The following LRRC49 variants were observed in gnomAD, a reference collection of about 807,000 sequenced individuals.
The protein encoded by LRRC49 is leucine rich repeat containing 49.
LRRC49 carries 50 observed loss-of-function variants against 83.3 expected under a neutral mutation model. The observed-to-expected ratio is 0.60, with a 90% CI of 0.48 to 0.76. The LOEUF is 0.76. Ranked by LOEUF, LRRC49 falls within the 30% of genes least tolerant of loss-of-function variation. The probability of loss-of-function intolerance (pLI) is 0.00; values close to 1 mark genes in which losing one functional copy is unlikely to be tolerated. For missense variants in LRRC49, 704 were observed against 809.1 expected (o/e 0.87, Z 1.58); for synonymous variants, 286 against 283.3 (o/e 1.01, Z -0.10).
chr15:71,011,752 TCTC>T (rs1378046120), intron 13 of LRRC49, among the ~76,000 whole-genome samples: 2 of 152,096 alleles, frequency 1.3e-5, no homozygotes, highest in African/African-American at 2.4e-5. Flanking sequence ...GAATTTGAAG[TCTC>T]CTTAACTGTG....
rs539635944 is a variant in LRRC49 at position 70,878,344 on chromosome 15, A to G, written c.18+5121A>G. Among the ~76,000 whole-genome samples the G allele has an allele frequency of 2.6e-4, 40 of 152,308 alleles. No individual in the cohort carries two copies. In the South Asian group the frequency reaches 6.2e-3, roughly 24 times the overall value. The stretch of plus-strand genomic sequence containing the variant: ...ATAGATTTCTTAGGAGGTTCTACGT[A>G]CATAATCATATCATCTCTAAAAAAA... On this transcript the variant is annotated intron_variant, in intron 2 of 16. Coordinates refer to the LRRC49 transcript ENST00000544974.
rs539420135 is a variant in LRRC49, at chr15:70,941,859, C to T, written c.773+5037C>T. Among the ~76,000 whole-genome samples the T allele has an allele frequency of 7.2e-5, 11 of 152,112 alleles. No individual in the cohort carries two copies. In the East Asian group the frequency reaches 1.2e-3, roughly 16 times the overall value. On this transcript the variant is annotated intron_variant, in intron 8 of 15. Coordinates refer to ENST00000260382, the MANE Select transcript of LRRC49 (RefSeq NM_017691.5). ...AAATTAATCTTTGCAAAATTGTAATCGTTTTCTATTAAAAGATTGCCTTTC... is the reference window on the plus strand; with the variant it reads ...AAATTAATCTTTGCAAAATTGTAATTGTTTTCTATTAAAAGATTGCCTTTC...
At chr15:71,049,320 T>C in intron 15 of LRRC49, 89 bp from the exon 16 acceptor site, 2 of 831,302 alleles carry the variant, frequency 2.4e-6, no homozygotes, top group Non-Finnish European at 3.8e-6. Flanking sequence ...CAGAATAAAT[T>C]ATTTCAATTT....
intron 14 of LRRC49, among the ~76,000 whole-genome samples, chr15:71,013,324 A>G (rs963892992): frequency 2.6e-5 from 4 of 152,212 alleles, no homozygotes; most frequent in Non-Finnish European, 5.9e-5. Flanking sequence ...AGCTCAGTAT[A>G]ATTGGAACAT....
chr15:71,004,706 C>T (rs2038394368), intron 11 of LRRC49, among the ~76,000 whole-genome samples: 1 of 150,822 alleles, frequency 6.6e-6, no homozygotes. Context: ...CCAAGGAATA[C>T]TATGCAGCCA....
At chr15:70,939,277 A>C (rs1024767929) in intron 8 of LRRC49, among the ~76,000 whole-genome samples, 2 of 152,194 alleles carry the variant, frequency 1.3e-5, no homozygotes, top group Admixed American at 1.3e-4. Flanking sequence ...AGCATCTAGC[A>C]TGTATGTGTT....
intron 7 of LRRC49, among the ~76,000 whole-genome samples, chr15:70,920,524 G>A (rs983917219): frequency 1.3e-5 from 2 of 152,170 alleles, no homozygotes; most frequent in Non-Finnish European, 2.9e-5. Context: ...TTTGTCCTTA[G>A]GACCTTGGGT....
At chr15:70,872,821 G>A (rs776738444) in intron 1 of LRRC49, 1 of 215,612 alleles carries the variant, frequency 4.6e-6, no homozygotes, top group African/African-American at 2.3e-5. Flanking sequence ...TTTTCTCCAA[G>A]AGATTCCAAG....
intron 8 of LRRC49, among the ~76,000 whole-genome samples, chr15:70,939,858 T>G (rs961756696): frequency 2.2e-4 from 34 of 151,406 alleles, no homozygotes; most frequent in East Asian, 7.7e-4. Flanking sequence ...TTTTTTTTTT[T>G]TTTTTTTTTT....
At chr15:70,895,805 T>G in intron 2 of LRRC49, 44 bp from the exon 3 acceptor site, 1 of 1,237,422 alleles carries the variant, frequency 8.1e-7, no homozygotes, top group Non-Finnish European at 1.2e-6. Context: ...TGCTTGGTGT[T>G]AAATTTGTCT....
intron 8 of LRRC49, among the ~76,000 whole-genome samples, chr15:70,952,575 C>A (rs1037894036): frequency 2.0e-5 from 3 of 152,024 alleles, no homozygotes; most frequent in African/African-American, 7.2e-5. Flanking sequence ...AGAGTATGTG[C>A]CATGTGCAGA....
chr15:71,003,571 C>T (rs1048278199), intron 11 of LRRC49, among the ~76,000 whole-genome samples: 2 of 152,112 alleles, frequency 1.3e-5, no homozygotes, highest in African/African-American at 4.8e-5. Context: ...ACCACTAAGT[C>T]TTACTTTTAT....
chr15:71,014,688 C>G (rs537855713), intron 14 of LRRC49, among the ~76,000 whole-genome samples: 1 of 152,162 alleles, frequency 6.6e-6, no homozygotes, highest in South Asian at 2.1e-4. Flanking sequence ...AAACTACAAT[C>G]CACCAGAAAA....
chr15:71,014,461 G>GA (rs1016032269), intron 14 of LRRC49, among the ~76,000 whole-genome samples: 1 of 151,322 alleles, frequency 6.6e-6, no homozygotes, highest in African/African-American at 2.4e-5. Flanking sequence ...AAGCAGGAAG[G>GA]AAAAAAAAGC....
At chr15:70,878,130 CAG>C (rs1175618030) in intron 2 of LRRC49, among the ~76,000 whole-genome samples, 4 of 152,110 alleles carry the variant, frequency 2.6e-5, no homozygotes, top group African/African-American at 9.7e-5. Context: ...GCCTGGGCGA[CAG>C]AGTGAGACTC....
chr15:70,927,680 C>T (rs1316097711), intron 7 of LRRC49, among the ~76,000 whole-genome samples: 2 of 152,160 alleles, frequency 1.3e-5, no homozygotes, highest in East Asian at 3.8e-4. Context: ...CAGAGTTTCA[C>T]TCTGTTGCCC....
At chr15:70,983,228 T>C (rs1259547459) in intron 10 of LRRC49, among the ~76,000 whole-genome samples, 1 of 152,168 alleles carries the variant, frequency 6.6e-6, no homozygotes, top group African/African-American at 2.4e-5. Context: ...TTTAGCACAA[T>C]TTCTTTCAGT....
At chr15:70,969,832 C>T (rs909624331) in intron 9 of LRRC49, among the ~76,000 whole-genome samples, 2 of 152,100 alleles carry the variant, frequency 1.3e-5, no homozygotes, top group African/African-American at 4.8e-5. Context: ...GATTTTGTAT[C>T]CTGAGACTTT....
chr15:70,881,144 G>A (rs777622657), intron 2 of LRRC49, among the ~76,000 whole-genome samples: 29 of 152,166 alleles, frequency 1.9e-4, no homozygotes, highest in Admixed American at 1.5e-3. Context: ...TGGGAGGATC[G>A]TCTGAGCCCA....
Sources: gnomAD v4.1 joint callset for allele counts (sites outside exome capture counted in the v4.1 genomes callset) on GRCh38, gnomAD v4.1.1 for gene constraint, MANE v1.5 for transcripts, NCBI Gene and HGNC (gene_info 2026-07-23, HGNC 2026-07-21) for gene names.